The following RBM47 variants were observed in gnomAD, a reference collection of about 807,000 sequenced individuals.
The protein encoded by RBM47 is RNA-binding protein 47.
RBM47 carries 21 observed loss-of-function variants against 47.1 expected under a neutral mutation model. The ratio of observed to expected loss-of-function variants is 0.45; its 90% CI spans 0.32 to 0.64. RBM47 has a LOEUF of 0.64. Ranked by LOEUF, RBM47 falls within the 30% of genes least tolerant of loss-of-function variation. The pLI is 0.05. For missense variants in RBM47, 708 were observed against 870.9 expected, an observed-to-expected ratio of 0.81 and a Z score of 2.35; for synonymous variants, 375 against 361.7, an observed-to-expected ratio of 1.04 and a Z score of -0.42.
intron 1 of RBM47, among the ~76,000 whole-genome samples, chr4:40,592,259 T>A (rs1183685345): frequency 7.5e-6 from 1 of 133,598 alleles, no homozygotes; most frequent in African/African-American, 2.5e-5. Flanking sequence ...TTCTTTTACT[T>A]TTTTTTTTTT....
rs557625722 is a variant in RBM47, at chr4:40,551,030, C to CT, written c.-239-6525dup. Among the ~76,000 whole-genome samples the CT allele has an allele frequency of 1.6e-4, 25 of 152,270 alleles. 1 individual carries two copies. The South Asian group carries it at 4.8e-3, about 29-fold the overall frequency. On this transcript the variant is annotated intron_variant, in intron 1 of 6. Transcript: ENST00000295971. ...CCCTAGGTTCACTGAACAAGCTGCC[C>CT]TCTTGTGGTTCTGATATATTTCCTG...
chr4:40,619,583 G>A (rs1385177193), intron 1 of RBM47, among the ~76,000 whole-genome samples: 4 of 152,042 alleles, frequency 2.6e-5, no homozygotes, highest in Non-Finnish European at 4.4e-5. Context: ...TTGCAAGGTC[G>A]GCCTTCTTTA....
rs1732503955 is a variant in RBM47 at position 40,578,022 on chromosome 4, AC to A, written c.-239-33517del. ...GAATTATAGGAGGTCACTGTTTTGG[AC>A]TAAACTTCTGCAACTAGGGCCCAAT... On this transcript the variant is annotated intron_variant, in intron 1 of 6. Coordinates refer to ENST00000295971, the MANE Select transcript of RBM47 (RefSeq NM_001098634.2). 2.0e-5 allele frequency among the ~76,000 whole-genome samples: 3 copies of A among 152,176 alleles called. No homozygotes were observed. The South Asian group carries it at 6.2e-4, about 31-fold the overall frequency.
intron 2 of RBM47, among the ~76,000 whole-genome samples, chr4:40,488,514 T>G (rs1721435048): frequency 6.6e-6 from 1 of 152,184 alleles, no homozygotes; most frequent in African/African-American, 2.4e-5. Flanking sequence ...ATCATTGTAA[T>G]ATGGGTGGAT....
chr4:40,505,925 A>G (rs1260809155), intron 2 of RBM47, among the ~76,000 whole-genome samples: 1 of 151,708 alleles, frequency 6.6e-6, no homozygotes, highest in Non-Finnish European at 1.5e-5. Flanking sequence ...CAAAAAACAA[A>G]AAAACTTACT....
Position 40,425,020 on chromosome 4 carries a change from C to G in RBM47, c.*884G>C, listed in dbSNP as rs970079505. 6.6e-6 allele frequency: 1 copy of G among 151,806 alleles called. No individual in the cohort carries two copies. Among genetic ancestry groups the G allele is most frequent in the Non-Finnish European group, 1.5e-5 (1 of 67,986 alleles). The allele number at this position is 151,806 out of a possible 1,614,324, so 9.4% of individuals were successfully genotyped here. A position where few individuals can be genotyped will look rare whatever the true frequency, so the allele number is the denominator to read the frequency against. ...AAAACAACGAAACAACAAACCCCAA[C>G]AAAAACCCAGGAAGAAGTATAAAAG... On this transcript the variant is annotated 3_prime_UTR_variant, in exon 7 of 7. Coordinates refer to ENST00000295971, the MANE Select transcript of RBM47 (RefSeq NM_001098634.2).
chr4:40,553,338 C>T (rs1729756854), intron 1 of RBM47, among the ~76,000 whole-genome samples: 1 of 151,654 alleles, frequency 6.6e-6, no homozygotes, highest in South Asian at 2.1e-4. Context: ...CACTCTGTCA[C>T]CCAGGCTGGA....
At chr4:40,572,704 G>C (rs1168621420) in intron 1 of RBM47, among the ~76,000 whole-genome samples, 1 of 151,746 alleles carries the variant, frequency 6.6e-6, no homozygotes, top group Non-Finnish European at 1.5e-5. Flanking sequence ...GGTCAACATA[G>C]TGAGACCTTA....
At chr4:40,446,548 G>C (rs1714548771) in intron 3 of RBM47, among the ~76,000 whole-genome samples, 1 of 151,844 alleles carries the variant, frequency 6.6e-6, no homozygotes, top group African/African-American at 2.4e-5. Flanking sequence ...GACTAGCCTG[G>C]GCAACATAGT....
At chr4:40,627,692 A>T (rs1296881464) in intron 1 of RBM47, among the ~76,000 whole-genome samples, 1 of 152,208 alleles carries the variant, frequency 6.6e-6, no homozygotes, top group Admixed American at 6.5e-5. Flanking sequence ...TTATCATGTG[A>T]GGAAAAAAAT....
chr4:40,543,972 G>A (rs975135320), intron 2 of RBM47: 1 of 151,644 alleles, frequency 6.6e-6, no homozygotes, highest in African/African-American at 2.4e-5. Context: ...AATACTTAAT[G>A]CTGGTCATTT....
At chr4:40,482,752 A>G (rs1720592499) in intron 2 of RBM47, among the ~76,000 whole-genome samples, 1 of 152,242 alleles carries the variant, frequency 6.6e-6, no homozygotes, top group Non-Finnish European at 1.5e-5. Flanking sequence ...TAATCAGCCA[A>G]GAAACGGAAA....
At chr4:40,599,163 C>A (rs1735017424) in intron 1 of RBM47, among the ~76,000 whole-genome samples, 1 of 148,370 alleles carries the variant, frequency 6.7e-6, no homozygotes. Context: ...GAGGTTGAGG[C>A]AAGAGAATGG....
intron 6 of RBM47, among the ~76,000 whole-genome samples, chr4:40,431,821 A>C (rs1009373655): frequency 8.5e-5 from 13 of 152,170 alleles, no homozygotes; most frequent in Middle Eastern, 3.4e-3. Context: ...AGTGGGAGAT[A>C]TGGTTGGAAG....
intron 1 of RBM47, among the ~76,000 whole-genome samples, chr4:40,621,515 T>C (rs1195303489): frequency 6.6e-6 from 1 of 152,222 alleles, no homozygotes; most frequent in South Asian, 2.1e-4. Flanking sequence ...AATACCTAAT[T>C]GAGCTCTGCA....
At chr4:40,608,814 G>A (rs1315427932) in intron 1 of RBM47, among the ~76,000 whole-genome samples, 1 of 152,148 alleles carries the variant, frequency 6.6e-6, no homozygotes. Context: ...TGAAGTAAAT[G>A]TAAATAGCAG....
intron 2 of RBM47, among the ~76,000 whole-genome samples, chr4:40,502,631 G>C (rs1385545592): frequency 6.6e-6 from 1 of 152,156 alleles, no homozygotes; most frequent in Non-Finnish European, 1.5e-5. Flanking sequence ...GATTGCTTGA[G>C]CCCAGGAGTT....
Position 40,438,263 on chromosome 4 carries a change from G to T in RBM47, c.631C>A (p.Arg211Ser). Residue 211 changes from arginine to serine, a missense_variant, in exon 4 of 7, where the codon CGC becomes AGC. Physicochemically the swap from Arg to Ser is moderately radical, Grantham distance 110 (BLOSUM62 -1). Coordinates refer to ENST00000295971, the MANE Select transcript of RBM47 (RefSeq NM_001098634.2). ...ATGCGGCCAGGCATGAGCTTGCGGC[G>T]AGCCATGGCAGCCGCGCGGTGGCTC... ...YESHRAAAMA[R>S]RKLMPGRIQL... The T allele has an allele frequency of 6.2e-7, 1 of 1,603,998 alleles. No individual in the cohort carries two copies.
At chr4:40,539,176 T>C (rs1267341024) in intron 2 of RBM47, among the ~76,000 whole-genome samples, 2 of 152,166 alleles carry the variant, frequency 1.3e-5, no homozygotes, top group Non-Finnish European at 2.9e-5. Flanking sequence ...AAAAAATCTC[T>C]TCCATTTTCA....
Sources: allele counts gnomAD v4.1 joint callset (sites outside exome capture counted in the v4.1 genomes callset), GRCh38; gene constraint gnomAD v4.1.1; transcripts MANE v1.5; gene names NCBI Gene and HGNC (gene_info 2026-07-23, HGNC 2026-07-21).